NBPF3: variants seen among roughly 807,000 people sequenced by gnomAD.
NBPF3 encodes NBPF member 3, also known as NBPF family member NBPF3.
In NBPF3, 57 loss-of-function variants were observed where a neutral mutation model predicts 78.1. The observed-to-expected ratio is 0.73, with a 90% CI of 0.59 to 0.91. The LOEUF (loss-of-function observed/expected upper bound fraction) is 0.91, where lower values mean the gene tolerates loss of function less well. Among genes scored for constraint, NBPF3 ranks in the 40% least tolerant of loss-of-function variants. NBPF3 has a pLI of 0.00. For missense variants in NBPF3, 510 were observed against 715.3 expected (o/e 0.71, Z 3.27); for synonymous variants, 182 against 271.7 (o/e 0.67, Z 3.25).
At chr1:21,469,678 A>T (rs1642478045) in intron 3 of NBPF3, among the ~76,000 whole-genome samples, 1 of 152,182 alleles carries the variant, frequency 6.6e-6, no homozygotes. Flanking sequence ...TGAGCCAAGA[A>T]CACGCCATTG....
chr1:21,450,762 AGGGT>A (rs1253526751), intron 2 of NBPF3, among the ~76,000 whole-genome samples: 1 of 152,138 alleles, frequency 6.6e-6, no homozygotes, highest in African/African-American at 2.4e-5. Context: ...GAGGCTTCTG[AGGGT>A]GTCCACAAAG....
chr1:21,469,359 A>G (rs1316256053), intron 3 of NBPF3, among the ~76,000 whole-genome samples: 1 of 152,154 alleles, frequency 6.6e-6, no homozygotes, highest in African/African-American at 2.4e-5. Context: ...AGTACACAGT[A>G]CCCGCTCTGA....
intron 2 of NBPF3, among the ~76,000 whole-genome samples, chr1:21,458,488 CTTCATAA>C (rs1257022804): frequency 6.7e-6 from 1 of 150,164 alleles, no homozygotes; most frequent in African/African-American, 2.5e-5. Context: ...ATGATAGTTT[CTTCATAA>C]TAGCCCAAAC....
At chr1:21,442,208 G>A (rs1163188095) in intron 1 of NBPF3, 1 of 152,026 alleles carries the variant, frequency 6.6e-6, no homozygotes, top group African/African-American at 2.4e-5. Context: ...TTCATGAATG[G>A]AGATTCTCTG....
chr1:21,471,896 A>G (rs1366375547), intron 5 of NBPF3, 113 bp downstream of exon 5: 10 of 1,409,780 alleles, frequency 7.1e-6, no homozygotes, highest in Non-Finnish European at 9.9e-6. Context: ...CACTAAACGT[A>G]TGTGGCCGTG....
At chr1:21,447,185 C>T (rs1641037843) in intron 2 of NBPF3, among the ~76,000 whole-genome samples, 1 of 152,208 alleles carries the variant, frequency 6.6e-6, no homozygotes, top group Non-Finnish European at 1.5e-5. Flanking sequence ...CCCCTGTCCT[C>T]CACACAATTT....
chr1:21,466,122 C>A, intron 2 of NBPF3: 1 of 985,326 alleles, frequency 1.0e-6, no homozygotes, highest in Non-Finnish European at 1.2e-6. Context: ...CTGATGGAAT[C>A]GGACAGTGCA....
At chr1:21,437,057 G>A (rs1019705665), upstream of NBPF3, among the ~76,000 whole-genome samples, 10 of 152,100 alleles carry the variant, frequency 6.6e-5, no homozygotes, top group African/African-American at 2.4e-4. Flanking sequence ...GGGTGCTTGG[G>A]CAGCTGGTGG....
At chr1:21,473,099 G>A (rs1370210185) in intron 6 of NBPF3, among the ~76,000 whole-genome samples, 184 bp downstream of exon 6, 1 of 152,174 alleles carries the variant, frequency 6.6e-6, no homozygotes, top group East Asian at 1.9e-4. Context: ...TGTGGTGGGT[G>A]TCATGTCTGT....
chr1:21,447,369 C>T (rs907956113), intron 2 of NBPF3, among the ~76,000 whole-genome samples: 6 of 152,140 alleles, frequency 3.9e-5, no homozygotes, highest in African/African-American at 7.2e-5. Context: ...CAGCGTCATG[C>T]GAAATAGTTT....
At chr1:21,472,328 G>C (rs545133015) in intron 5 of NBPF3, among the ~76,000 whole-genome samples, 11 of 152,304 alleles carry the variant, frequency 7.2e-5, no homozygotes, top group African/African-American at 2.6e-4. Flanking sequence ...CACTTGATGT[G>C]GGGGCATTTG....
chr1:21,472,998 A>G (rs1570069417), intron 6 of NBPF3, 83 bp downstream of exon 6: 2 of 1,007,216 alleles, frequency 2.0e-6, no homozygotes, highest in Non-Finnish European at 3.2e-6. Flanking sequence ...GGCATCTATG[A>G]TGGGCCGAAA....
At chr1:21,479,810 C>T (rs113252012) in intron 10 of NBPF3, among the ~76,000 whole-genome samples, 1 of 117,578 alleles carries the variant, frequency 8.5e-6, no homozygotes, top group Non-Finnish European at 1.9e-5. Flanking sequence ...CTCTCTCTCT[C>T]TCTCTCTCTC....
At chr1:21,482,220 G>C (rs1372415915) in intron 13 of NBPF3, among the ~76,000 whole-genome samples, 1 of 148,828 alleles carries the variant, frequency 6.7e-6, no homozygotes, top group Non-Finnish European at 1.5e-5. Context: ...GGAAAGATAT[G>C]GCATAACCGT....
intron 3 of NBPF3, among the ~76,000 whole-genome samples, chr1:21,470,257 T>A (rs1642511166): frequency 6.6e-6 from 1 of 152,236 alleles, no homozygotes; most frequent in South Asian, 2.1e-4. Flanking sequence ...CCTAGGGGCC[T>A]TCCCAACTGT....
At chr1:21,461,472 CCT>C (rs1401877475) in intron 2 of NBPF3, among the ~76,000 whole-genome samples, 21 of 152,250 alleles carry the variant, frequency 1.4e-4, no homozygotes, top group Middle Eastern at 6.8e-3. Flanking sequence ...CTAAATGATT[CCT>C]TTTTTTAATT....
In NBPF3 at chr1:21,473,480, C is replaced by T; in HGVS notation, c.835C>T (p.Pro279Ser). 1 of 1,614,182 alleles carries T rather than the reference C, an allele frequency of 6.2e-7. No individual in the cohort carries two copies. The highest frequency in any genetic ancestry group is 1.1e-5 in the South Asian group (1 of 91,084). ...NSHHPCESNQ[P>S]YGNTRITFEE... ...CCACCACCCTTGTGAGTCCAACCAG[C>T]CTTACGGGAACACCAGAATCACATT... The change falls in exon 7 of 15, where the codon CCT becomes TCT. Residue 279 changes from proline (P) to serine (S), a missense_variant. Physicochemically the swap from Pro to Ser is moderately conservative, Grantham distance 74. Around this residue, in one of 5 missense-constraint regions of NBPF3, gnomAD observed 440 missense variants for 478.2 expected, o/e 0.92. Transcript: ENST00000318249.
At chr1:21,457,695 CTTTGAAAA>C (rs1484553732) in intron 2 of NBPF3, among the ~76,000 whole-genome samples, 1 of 152,126 alleles carries the variant, frequency 6.6e-6, no homozygotes, top group East Asian at 1.9e-4. Context: ...GGTAGGACTC[CTTTGAAAA>C]TCTAACAATG....
chr1:21,474,689 C>A (rs940115539), intron 7 of NBPF3, among the ~76,000 whole-genome samples: 3 of 152,130 alleles, frequency 2.0e-5, no homozygotes, highest in Non-Finnish European at 2.9e-5. Flanking sequence ...TATGGTCTAC[C>A]CATAGAGGGA....
Sources: gnomAD v4.1 joint callset for allele counts (sites outside exome capture counted in the v4.1 genomes callset) on GRCh38, gnomAD v4.1.1 for gene constraint, gnomAD v4.1.1 regional missense constraint, MANE v1.5 for transcripts, NCBI Gene and HGNC (gene_info 2026-07-23, HGNC 2026-07-21) for gene names.